The following SUPT3H variants were observed in gnomAD, a reference collection of about 807,000 sequenced individuals.
SUPT3H encodes transcription initiation protein SPT3 homolog.
A neutral mutation model predicts 44.3 loss-of-function variants in SUPT3H; 44 were observed. The observed-to-expected ratio is 0.99, with a 90% confidence interval of 0.78 to 1.28. The LOEUF (loss-of-function observed/expected upper bound fraction) is 1.28, where lower values mean the gene tolerates loss of function less well. Ranked by LOEUF, SUPT3H falls within the 50% of genes most tolerant of loss-of-function variation. SUPT3H has a pLI of 0.00. For synonymous variants in SUPT3H, 124 were observed against 125.6 expected (o/e 0.99, Z 0.09); for missense variants, 380 against 387.1 (o/e 0.98, Z 0.15).
intron 10 of SUPT3H, among the ~76,000 whole-genome samples, chr6:44,862,126 T>G (rs1034778862): frequency 1.3e-5 from 2 of 152,172 alleles, no homozygotes; most frequent in Non-Finnish European, 2.9e-5. Context: ...ATGTACTTCA[T>G]GCTTTAAGCA....
At chr6:45,004,374 T>C (rs1274620119) in intron 5 of SUPT3H, among the ~76,000 whole-genome samples, 2 of 152,004 alleles carry the variant, frequency 1.3e-5, no homozygotes, top group African/African-American at 2.4e-5. Flanking sequence ...TTGTGAGATA[T>C]CTGAATATAT....
Position 45,070,088 on chromosome 6 carries a change from C to T in SUPT3H, c.186+35834G>A, listed in dbSNP as rs114180669. On this transcript the variant is annotated intron_variant, in intron 3 of 10. Transcript: ENST00000371459. ...CAAGGAGGACTTCTATCAGAGTCTG[C>T]TTTGAAGTTACCTAAAGCATAGAAG... is the stretch of plus-strand genomic sequence containing the variant. Among the ~76,000 whole-genome samples, 390 of 152,196 alleles carry T rather than the reference C, an allele frequency of 2.6e-3. 3 individuals carry two copies. Among genetic ancestry groups the T allele is most frequent in the African/African-American group, 8.6e-3 (356 of 41,522 alleles).
chr6:45,303,282 A>C (rs956962156), intron 2 of SUPT3H, among the ~76,000 whole-genome samples: 1 of 152,206 alleles, frequency 6.6e-6, no homozygotes, highest in Non-Finnish European at 1.5e-5. Flanking sequence ...ACTTAATTAA[A>C]CTAAAGAGCT....
chr6:45,232,865 A>G (rs1430724788), intron 2 of SUPT3H, among the ~76,000 whole-genome samples: 9 of 152,126 alleles, frequency 5.9e-5, no homozygotes, highest in African/African-American at 2.2e-4. Context: ...AGCCCTGGAA[A>G]GCTAACCCTC....
chr6:44,855,521 T>C (rs1773586839), intron 10 of SUPT3H, among the ~76,000 whole-genome samples: 1 of 152,192 alleles, frequency 6.6e-6, no homozygotes, highest in Non-Finnish European at 1.5e-5. Flanking sequence ...CCATAGGTAC[T>C]GGTCTGAAAT....
At chr6:44,997,767 T>A (rs181411005) in intron 6 of SUPT3H, among the ~76,000 whole-genome samples, 121 of 151,986 alleles carry the variant, frequency 8.0e-4, no homozygotes, top group African/African-American at 2.8e-3. Context: ...TGATGTCTGT[T>A]CATTTAAGTG....
chr6:45,044,605 T>C, intron 3 of SUPT3H, among the ~76,000 whole-genome samples: 1 of 152,290 alleles, frequency 6.6e-6, no homozygotes. Flanking sequence ...GGAATTTAAT[T>C]ATGGTAAAAC....
intron 2 of SUPT3H, among the ~76,000 whole-genome samples, chr6:45,319,365 C>T (rs182327938): frequency 1.3e-5 from 2 of 152,186 alleles, no homozygotes; most frequent in Admixed American, 1.3e-4. Context: ...AAGATTCCTC[C>T]TCCATAACAA....
chr6:45,169,786 A>C (rs553742173), intron 2 of SUPT3H, among the ~76,000 whole-genome samples: 1 of 152,354 alleles, frequency 6.6e-6, no homozygotes, highest in South Asian at 2.1e-4. Flanking sequence ...AATATGTTTA[A>C]AATCTCTAAG....
chr6:44,849,010 A>G (rs1772385291), intron 10 of SUPT3H, among the ~76,000 whole-genome samples: 1 of 152,086 alleles, frequency 6.6e-6, no homozygotes, highest in Non-Finnish European at 1.5e-5. Flanking sequence ...TTTAATTTCA[A>G]CTCCAATGTG....
chr6:45,180,621 G>T (rs1277594053), intron 2 of SUPT3H, among the ~76,000 whole-genome samples: 4 of 151,908 alleles, frequency 2.6e-5, no homozygotes, highest in South Asian at 2.1e-4. Context: ...ATGGGGAAAG[G>T]ATTCCCTATT....
chr6:44,960,652 G>A (rs948102047), intron 7 of SUPT3H, among the ~76,000 whole-genome samples: 1 of 152,080 alleles, frequency 6.6e-6, no homozygotes, highest in African/African-American at 2.4e-5. Flanking sequence ...ACTGGAGGTT[G>A]ATACTTATAA....
chr6:44,893,493 T>G (rs1177223244), intron 10 of SUPT3H, among the ~76,000 whole-genome samples: 1 of 152,126 alleles, frequency 6.6e-6, no homozygotes, highest in African/African-American at 2.4e-5. Flanking sequence ...GTTCTTGCAA[T>G]AGTTTACTGA....
At chr6:44,900,720 C>T (rs1254299607) in intron 10 of SUPT3H, among the ~76,000 whole-genome samples, 1 of 152,156 alleles carries the variant, frequency 6.6e-6, no homozygotes, top group Non-Finnish European at 1.5e-5. Context: ...CGACAGACTG[C>T]CTCCTCAAGT....
chr6:45,148,832 C>T (rs116795864), intron 2 of SUPT3H, among the ~76,000 whole-genome samples: 2,665 of 152,162 alleles, frequency 0.018, 51 homozygotes, highest in South Asian at 0.084. Context: ...CCCATTTTCC[C>T]GTAAGTCCTG....
At chr6:44,996,130 A>G (rs1241680246) in intron 6 of SUPT3H, among the ~76,000 whole-genome samples, 2 of 151,900 alleles carry the variant, frequency 1.3e-5, no homozygotes, top group South Asian at 2.1e-4. Flanking sequence ...GCTGCAGTAT[A>G]TTAATGCTTC....
intron 2 of SUPT3H, among the ~76,000 whole-genome samples, chr6:45,170,834 T>C (rs1810652554): frequency 6.6e-6 from 1 of 152,192 alleles, no homozygotes; most frequent in Non-Finnish European, 1.5e-5. Context: ...AATTTCTCTC[T>C]GTTTTCTTTT....
chr6:44,984,815 A>T (rs549948776), intron 6 of SUPT3H, among the ~76,000 whole-genome samples: 1 of 152,280 alleles, frequency 6.6e-6, no homozygotes, highest in East Asian at 1.9e-4. Flanking sequence ...ACATAAACAT[A>T]AATTACATAA....
At chr6:45,127,054 G>A (rs975529490) in intron 2 of SUPT3H, among the ~76,000 whole-genome samples, 6 of 152,098 alleles carry the variant, frequency 3.9e-5, no homozygotes, top group Non-Finnish European at 7.3e-5. Flanking sequence ...AGTGGCTGAC[G>A]CCTGTAATCC....
Sources: allele counts gnomAD v4.1 joint callset (sites outside exome capture counted in the v4.1 genomes callset), GRCh38; gene constraint gnomAD v4.1.1; transcripts MANE v1.5; gene names NCBI Gene and HGNC (gene_info 2026-07-23, HGNC 2026-07-21).